Variants in EML4 observed in about 807,000 individuals in gnomAD.
EML4 encodes EMAP like 4.
Under a neutral mutation model 129.0 loss-of-function variants are expected in EML4, and 72 were observed. That is an observed-to-expected ratio of 0.56 (90% CI 0.46 to 0.68). The LOEUF is 0.68. Among genes scored for constraint, EML4 ranks in the 30% least tolerant of loss-of-function variants. The pLI is 0.00. For synonymous variants in EML4, 532 were observed against 405.0 expected (o/e 1.31, Z -3.77); for missense variants, 1,363 against 1,190.6 (o/e 1.14, Z -2.13).
At chr2:42,169,678 G>A in intron 1 of EML4, 42 bp downstream of exon 1, 1 of 1,589,992 alleles carries the variant, frequency 6.3e-7, no homozygotes, top group Non-Finnish European at 8.6e-7. Context: ...GCGAAGGGTA[G>A]GAACTTTTTT....
At chr2:42,299,262 A>C (rs963955611) in intron 13 of EML4, among the ~76,000 whole-genome samples, 3 of 152,190 alleles carry the variant, frequency 2.0e-5, no homozygotes, top group Non-Finnish European at 4.4e-5. Flanking sequence ...AGCATACTCA[A>C]ACTGAGACAT....
intron 8 of EML4, among the ~76,000 whole-genome samples, chr2:42,283,680 T>C (rs1220141681): frequency 6.6e-6 from 1 of 152,194 alleles, no homozygotes; most frequent in African/African-American, 2.4e-5. Context: ...TATATAGATA[T>C]TGAACTTTTG....
Position 42,288,208 on chromosome 2 carries a change from C to T in EML4, c.1123-19C>T, listed in dbSNP as rs1298023434. The T allele has an allele frequency of 4.5e-6, 5 of 1,105,438 alleles. No individual in the cohort carries two copies. In the East Asian group the frequency reaches 1.3e-4, roughly 28 times the overall value. The allele number at this position is 1,105,438 out of a possible 1,614,324, so 68.5% of individuals were successfully genotyped here. A position where few individuals can be genotyped will look rare whatever the true frequency, so the allele number is the denominator to read the frequency against. On this transcript the variant is annotated intron_variant, in intron 10 of 22. Transcript: ENST00000318522. Reference sequence around the variant, plus strand: ...CCTATCAGTGAATTTTAAAATGCCTCTGATTGACTTTTCTTTAGGATTCAG... The same window carrying T: ...CCTATCAGTGAATTTTAAAATGCCTTTGATTGACTTTTCTTTAGGATTCAG...
At chr2:42,272,603 C>T (rs1036888756) in intron 6 of EML4, among the ~76,000 whole-genome samples, 3 of 152,108 alleles carry the variant, frequency 2.0e-5, no homozygotes, top group African/African-American at 7.2e-5. Flanking sequence ...AGATTTCTAA[C>T]TATGAAAATA....
chr2:42,245,602 A>G lies in EML4; in HGVS notation c.123A>G (p.Leu41=). Residue 41 remains leucine (L), a synonymous_variant, in exon 2 of 23, where the codon CTA becomes CTG. Transcript: ENST00000318522. The part of the protein sequence containing the change: ...VQQQEDEITV[L]KAALADVLRR... ...AACAAGAAGATGAAATCACTGTGCT[A>G]AAGGCGGCTTTGGCTGATGTTTTGA... The G allele has an allele frequency of 6.2e-7, 1 of 1,613,860 alleles. No homozygotes were observed. The highest frequency in any genetic ancestry group is 8.5e-7 in the Non-Finnish European group (1 of 1,179,852).
At chr2:42,226,630 C>G (rs980588659) in intron 1 of EML4, among the ~76,000 whole-genome samples, 2 of 151,672 alleles carry the variant, frequency 1.3e-5, no homozygotes, top group African/African-American at 4.8e-5. Context: ...GCACTCCAGC[C>G]TGGGCAACAG....
intron 1 of EML4, among the ~76,000 whole-genome samples, chr2:42,232,849 C>G (rs2104210371): frequency 6.6e-6 from 1 of 152,118 alleles, no homozygotes; most frequent in Admixed American, 6.5e-5. Flanking sequence ...CTCAGCCTCC[C>G]TAGTAGCTGG....
chr2:42,268,538 G>GTGAC (rs1378654342), intron 6 of EML4, among the ~76,000 whole-genome samples: 1 of 152,132 alleles, frequency 6.6e-6, no homozygotes, highest in African/African-American at 2.4e-5. Flanking sequence ...CCGAGCTTGA[G>GTGAC]TGACCCTCCT....
intron 19 of EML4, chr2:42,320,014 A>G (rs1669439062): frequency 6.6e-6 from 1 of 152,236 alleles, no homozygotes; most frequent in South Asian, 2.1e-4. Context: ...ACAAATTATA[A>G]GTTATATGCA....
At chr2:42,281,422 A>G (rs1430028934) in intron 7 of EML4, among the ~76,000 whole-genome samples, 1 of 151,606 alleles carries the variant, frequency 6.6e-6, no homozygotes, top group Admixed American at 6.6e-5. Context: ...AGGAGACATT[A>G]TCTCTAATTC....
At chr2:42,180,939 T>C (rs1670899448) in intron 1 of EML4, among the ~76,000 whole-genome samples, 1 of 152,252 alleles carries the variant, frequency 6.6e-6, no homozygotes, top group Non-Finnish European at 1.5e-5. Context: ...AGTTGTTTTG[T>C]AGACTGTCCC....
At chr2:42,247,009 T>G (rs1246356370) in intron 2 of EML4, among the ~76,000 whole-genome samples, 1 of 152,196 alleles carries the variant, frequency 6.6e-6, no homozygotes, top group Non-Finnish European at 1.5e-5. Context: ...CTCAAAAAAT[T>G]CACCTGAGTG....
chr2:42,289,796 A>G (rs896650513), intron 11 of EML4: 6 of 151,406 alleles, frequency 4.0e-5, no homozygotes, highest in African/African-American at 1.5e-4. Context: ...GGCCAGGGGT[A>G]GTCACTCACA....
Position 42,331,955 on chromosome 2 carries a change from C to A in EML4, c.*1748C>A, listed in dbSNP as rs766345564. ...ACTGTTAAAAAACCTCAAAATAGTT[C>A]TCTTCAAAAGAAGAGAGATTCCAAG... On this transcript the variant is annotated 3_prime_UTR_variant, in exon 23 of 23. Transcript: ENST00000318522. The A allele has an allele frequency of 4.2e-5, 9 of 215,978 alleles. No individual in the cohort carries two copies. The highest frequency in any genetic ancestry group is 5.6e-5 in the Non-Finnish European group (6 of 107,164). The allele number at this position is 215,978 out of a possible 1,614,324, so 13.4% of individuals were successfully genotyped here.
intron 1 of EML4, among the ~76,000 whole-genome samples, chr2:42,213,692 C>A (rs1415211411): frequency 6.6e-6 from 1 of 151,970 alleles, no homozygotes; most frequent in East Asian, 1.9e-4. Context: ...GACTAGAAAA[C>A]AAGAATAATT....
intron 1 of EML4, among the ~76,000 whole-genome samples, chr2:42,179,096 A>G (rs969740473): frequency 8.5e-5 from 13 of 152,194 alleles, no homozygotes; most frequent in African/African-American, 3.1e-4. Flanking sequence ...TGCATGATCA[A>G]AATAAATATC....
intron 14 of EML4, 31 bp from the exon 15 acceptor site, chr2:42,303,073 G>A: frequency 4.3e-6 from 7 of 1,609,408 alleles, no homozygotes; most frequent in South Asian, 3.3e-5. Context: ...ATATTAGTAT[G>A]TATATGGTGA....
At chr2:42,204,586 G>A (rs2103983973) in intron 1 of EML4, among the ~76,000 whole-genome samples, 1 of 152,286 alleles carries the variant, frequency 6.6e-6, no homozygotes, top group East Asian at 1.9e-4. Context: ...TCGAATAGCT[G>A]TTGTTCCTTG....
intron 7 of EML4, among the ~76,000 whole-genome samples, chr2:42,282,525 C>G (rs1238877155): frequency 2.6e-5 from 4 of 152,076 alleles, no homozygotes; most frequent in African/African-American, 4.8e-5. Flanking sequence ...TCCCAAGTAG[C>G]TGGAACTACA....
Sources: gnomAD v4.1 joint callset for allele counts (sites outside exome capture counted in the v4.1 genomes callset) on GRCh38, gnomAD v4.1.1 for gene constraint, MANE v1.5 for transcripts, NCBI Gene and HGNC (gene_info 2026-07-23, HGNC 2026-07-21) for gene names.